Variants in OR7E24 observed in about 807,000 individuals in gnomAD.
OR7E24 encodes the protein olfactory receptor family 7 subfamily E member 24, also known as olfactory receptor 7E24.
For synonymous variants in OR7E24, 130 were observed against 157.5 expected (o/e 0.83, Z 1.31); for missense variants, 385 against 410.3 (o/e 0.94, Z 0.53).
the OR7E24 span, chr19:9,214,702 T>A: frequency 6.2e-7 from 1 of 1,613,792 alleles, no homozygotes; most frequent in African/African-American, 1.3e-5. Flanking sequence ...ACGGCCAGAA[T>A]GATGAGCAGG....
the OR7E24 span, chr19:9,235,471 A>G: frequency 3.1e-6 from 5 of 1,601,474 alleles, no homozygotes; most frequent in Middle Eastern, 1.7e-4. Flanking sequence ...GTTTGCTGGA[A>G]TGGATACTTT....
chr19:9,208,704 T>G, the OR7E24 span: 13 of 150,518 alleles, frequency 8.6e-5, no homozygotes, highest in African/African-American at 3.2e-4. Flanking sequence ...TTTTTTTTTT[T>G]TTTTTGAGAC....
At chr19:9,233,382 A>G in the OR7E24 span, among the ~76,000 whole-genome samples, 1 of 152,184 alleles carries the variant, frequency 6.6e-6, no homozygotes, top group Non-Finnish European at 1.5e-5. Context: ...CATGAATTAT[A>G]TATGTTGATG....
chr19:9,215,410 A>G, the OR7E24 span, among the ~76,000 whole-genome samples: 2 of 148,928 alleles, frequency 1.3e-5, no homozygotes, highest in African/African-American at 4.9e-5. Flanking sequence ...CCCCATTTGT[A>G]TCTATGAACT....
chr19:9,240,092 A>G, the OR7E24 span, among the ~76,000 whole-genome samples: 1 of 151,776 alleles, frequency 6.6e-6, no homozygotes, highest in Non-Finnish European at 1.5e-5. Flanking sequence ...TCTGGTCTCA[A>G]ACTCCTGGGC....
the OR7E24 span, among the ~76,000 whole-genome samples, chr19:9,228,453 A>C: frequency 6.7e-6 from 1 of 150,250 alleles, no homozygotes; most frequent in African/African-American, 2.5e-5. Context: ...GTTAGGCTAC[A>C]CTTTCTCTCT....
chr19:9,212,543 C>T, the OR7E24 span: 25 of 152,258 alleles, frequency 1.6e-4, no homozygotes, highest in African/African-American at 5.1e-4. Flanking sequence ...TTGGCCCTGC[C>T]TAACATCACC....
At chr19:9,247,476 A>G (rs903640317), upstream of OR7E24, 6 of 398,334 alleles carry the variant, frequency 1.5e-5, no homozygotes, top group Admixed American at 1.3e-4. Flanking sequence ...CAGCGGACCT[A>G]CTCTCCATGG....
chr19:9,210,252 G>A, the OR7E24 span: 5 of 152,152 alleles, frequency 3.3e-5, no homozygotes, highest in East Asian at 7.7e-4. Flanking sequence ...ATCAGTCATT[G>A]ACAAATATTG....
At chr19:9,235,668 G>A in the OR7E24 span, 180 of 1,595,144 alleles carry the variant, frequency 1.1e-4, no homozygotes, top group African/African-American at 9.6e-4. Flanking sequence ...CTGAGATTCC[G>A]CATTTCTTCT....
At chr19:9,245,046 A>G (rs2066125334), upstream of OR7E24, among the ~76,000 whole-genome samples, 1 of 142,264 alleles carries the variant, frequency 7.0e-6, no homozygotes, top group African/African-American at 3.0e-5. Flanking sequence ...TCTAGTAAAA[A>G]TACAAAAAAA....
the OR7E24 span, chr19:9,214,807 T>C: frequency 6.2e-7 from 1 of 1,609,812 alleles, no homozygotes; most frequent in Non-Finnish European, 8.5e-7. Context: ...AGGAGAAATT[T>C]TGATAATTCT....
the OR7E24 span, among the ~76,000 whole-genome samples, chr19:9,229,891 T>C: frequency 6.6e-6 from 1 of 152,034 alleles, no homozygotes; most frequent in Non-Finnish European, 1.5e-5. Flanking sequence ...GGACACACCA[T>C]GGAGAAGAGA....
At chr19:9,229,135 T>C in the OR7E24 span, among the ~76,000 whole-genome samples, 7 of 152,200 alleles carry the variant, frequency 4.6e-5, no homozygotes. Context: ...CCTTTGCCTC[T>C]ATAACCTTGT....
chr19:9,214,269 G>A, the OR7E24 span: 1 of 1,614,176 alleles, frequency 6.2e-7, no homozygotes, highest in South Asian at 1.1e-5. Context: ...GAGGGTGTTA[G>A]AGCAGGCCAC....
At chr19:9,217,986 C>T in the OR7E24 span, among the ~76,000 whole-genome samples, 14,045 of 152,186 alleles carry the variant, frequency 0.092, 1,260 homozygotes, top group African/African-American at 0.23. Context: ...GGAATGAAAG[C>T]GGGATATGTA....
the OR7E24 span, among the ~76,000 whole-genome samples, chr19:9,239,235 T>A: frequency 2.0e-5 from 3 of 151,958 alleles, no homozygotes; most frequent in Non-Finnish European, 4.4e-5. Flanking sequence ...AGTGATGCAA[T>A]CTTGGCTCAC....
At chr19:9,247,243 G>A (rs1394423795), upstream of OR7E24, 1 of 377,128 alleles carries the variant, frequency 2.7e-6, no homozygotes, top group Non-Finnish European at 4.7e-6. Flanking sequence ...CTTAGAGACT[G>A]GGGAACATGG....
At chr19:9,218,916 G>C in the OR7E24 span, among the ~76,000 whole-genome samples, 18,126 of 151,998 alleles carry the variant, frequency 0.12, 1,385 homozygotes, top group East Asian at 0.36. Context: ...TTATAGATGT[G>C]AGCCACTACG....
Sources: gnomAD v4.1 joint callset for allele counts (sites outside exome capture counted in the v4.1 genomes callset) on GRCh38, gnomAD v4.1.1 for gene constraint, MANE v1.5 for transcripts, NCBI Gene and HGNC (gene_info 2026-07-23, HGNC 2026-07-21) for gene names.